Variants in LRRC4C observed in about 807,000 individuals in gnomAD.
LRRC4C encodes the protein leucine-rich repeat-containing protein 4C.
Under a neutral mutation model 33.6 loss-of-function variants are expected in LRRC4C, and 5 were observed. The observed-to-expected ratio is 0.15, with a 90% CI of 0.08 to 0.31. The LOEUF is 0.31. Among genes scored for constraint, LRRC4C ranks in the 10% least tolerant of loss-of-function variants. The pLI, the probability that LRRC4C is intolerant of heterozygous loss-of-function variation, is 1.00. For synonymous variants in LRRC4C, 329 were observed against 302.0 expected (o/e 1.09, Z -0.93); for missense variants, 560 against 796.7 (o/e 0.70, Z 3.58).
intron 3 of LRRC4C, among the ~76,000 whole-genome samples, chr11:40,576,929 G>A (rs1223967517): frequency 1.3e-5 from 2 of 152,162 alleles, no homozygotes; most frequent in Non-Finnish European, 1.5e-5. Flanking sequence ...TACTAACACT[G>A]AGCCTTTGAG....
intron 5 of LRRC4C, among the ~76,000 whole-genome samples, chr11:40,147,678 C>G (rs79368059): frequency 3.3e-5 from 5 of 151,796 alleles, no homozygotes; most frequent in African/African-American, 7.2e-5. Context: ...ACATAATTGT[C>G]GAGATGAAAA....
intron 1 of LRRC4C, among the ~76,000 whole-genome samples, chr11:41,055,221 CT>C (rs1334124520): frequency 1.3e-5 from 2 of 152,020 alleles, no homozygotes; most frequent in African/African-American, 4.8e-5. Context: ...CTGGTTCTTT[CT>C]TTAGTGTGAG....
At chr11:40,481,937 G>A (rs976001581) in intron 3 of LRRC4C, among the ~76,000 whole-genome samples, 1 of 151,972 alleles carries the variant, frequency 6.6e-6, no homozygotes, top group African/African-American at 2.4e-5. Context: ...TTATTATATG[G>A]GAATAATATT....
chr11:40,845,051 T>C (rs905427153), intron 2 of LRRC4C, among the ~76,000 whole-genome samples: 4 of 152,156 alleles, frequency 2.6e-5, no homozygotes, highest in Non-Finnish European at 5.9e-5. Context: ...TCTTTAAAAA[T>C]GTGTACATAT....
chr11:40,969,844 T>C (rs552523465), intron 1 of LRRC4C, among the ~76,000 whole-genome samples: 55 of 152,316 alleles, frequency 3.6e-4, no homozygotes, highest in Middle Eastern at 6.8e-3. Flanking sequence ...TGAATATCTT[T>C]GTAGCTAATA....
intron 1 of LRRC4C, among the ~76,000 whole-genome samples, chr11:41,349,155 C>G (rs145350483): frequency 1.3e-5 from 2 of 152,244 alleles, no homozygotes; most frequent in Non-Finnish European, 2.9e-5. Flanking sequence ...TGTAGTGTGA[C>G]CTTGACTACC....
chr11:40,806,105 T>TA (rs761206772), intron 2 of LRRC4C, among the ~76,000 whole-genome samples: 193 of 152,308 alleles, frequency 1.3e-3, no homozygotes, highest in Middle Eastern at 0.01. Flanking sequence ...TATAAAATTT[T>TA]AAAAAATGTT....
intron 1 of LRRC4C, among the ~76,000 whole-genome samples, chr11:40,993,344 C>T (rs1242040113): frequency 2.0e-5 from 3 of 151,912 alleles, no homozygotes; most frequent in African/African-American, 4.8e-5. Context: ...TAGAGGACCC[C>T]ATGAAATTTA....
chr11:40,334,358 T>C (rs1946501871), intron 3 of LRRC4C, among the ~76,000 whole-genome samples: 1 of 152,056 alleles, frequency 6.6e-6, no homozygotes, highest in Admixed American at 6.6e-5. Flanking sequence ...ATGGGTACTA[T>C]TATCCATGAG....
At chr11:40,809,393 G>C (rs1309795911) in intron 2 of LRRC4C, among the ~76,000 whole-genome samples, 2 of 152,122 alleles carry the variant, frequency 1.3e-5, no homozygotes, top group Non-Finnish European at 2.9e-5. Flanking sequence ...TTTTCACACA[G>C]ATATCACTAT....
intron 2 of LRRC4C, among the ~76,000 whole-genome samples, chr11:40,813,708 C>T (rs562048912): frequency 3.3e-5 from 5 of 152,050 alleles, no homozygotes; most frequent in East Asian, 3.9e-4. Flanking sequence ...ATCAAAAGCA[C>T]GATAGTTACT....
chr11:40,932,991 T>G lies in LRRC4C; in HGVS notation c.-407+644A>C, dbSNP rs75030271. 5.2e-3 allele frequency among the ~76,000 whole-genome samples: 788 copies of G among 152,236 alleles called. 10 individuals carry two copies. The highest frequency in any genetic ancestry group is 0.018 in the African/African-American group (758 of 41,544). ...AATTATACAAATAAATATTAACTGGTCAACTGACAAGAAAAATATGCCAGG... is the reference window on the plus strand; with the variant it reads ...AATTATACAAATAAATATTAACTGGGCAACTGACAAGAAAAATATGCCAGG... On this transcript the variant is annotated intron_variant, in intron 2 of 6. Transcript: ENST00000528697.
chr11:40,685,467 G>C (rs911518997), intron 2 of LRRC4C, among the ~76,000 whole-genome samples: 2 of 151,908 alleles, frequency 1.3e-5, no homozygotes, highest in Non-Finnish European at 2.9e-5. Context: ...AGGTGGGCAA[G>C]CTGAATAGAT....
chr11:40,878,193 G>A (rs1248897625), intron 2 of LRRC4C, among the ~76,000 whole-genome samples: 3 of 151,958 alleles, frequency 2.0e-5, no homozygotes, highest in African/African-American at 2.4e-5. Context: ...AATAAGTGTC[G>A]GATTCTGACT....
At chr11:41,422,178 T>A (rs951071374) in intron 1 of LRRC4C, among the ~76,000 whole-genome samples, 1 of 152,184 alleles carries the variant, frequency 6.6e-6, no homozygotes, top group South Asian at 2.1e-4. Flanking sequence ...TTGTCATTGT[T>A]CTGCCTTTTC....
intron 3 of LRRC4C, among the ~76,000 whole-genome samples, chr11:40,643,181 T>C (rs542476818): frequency 5.9e-5 from 9 of 151,962 alleles, no homozygotes; most frequent in Non-Finnish European, 1.2e-4. Context: ...TACATATATA[T>C]ACACACACAC....
At chr11:40,587,714 T>C (rs1388700425) in intron 3 of LRRC4C, among the ~76,000 whole-genome samples, 1 of 152,096 alleles carries the variant, frequency 6.6e-6, no homozygotes, top group Non-Finnish European at 1.5e-5. Context: ...AAAGGCCTTT[T>C]CTGCATCTAT....
intron 2 of LRRC4C, among the ~76,000 whole-genome samples, chr11:40,805,585 T>G (rs1951210679): frequency 6.6e-6 from 1 of 152,194 alleles, no homozygotes; most frequent in Non-Finnish European, 1.5e-5. Context: ...AACACTAGTT[T>G]CAAGAGTGTG....
intron 2 of LRRC4C, among the ~76,000 whole-genome samples, chr11:40,915,573 G>T (rs1956918557): frequency 6.6e-6 from 1 of 152,250 alleles, no homozygotes; most frequent in East Asian, 1.9e-4. Context: ...TTAAATGTTA[G>T]ACCTAAAACC....
Sources: allele counts gnomAD v4.1 joint callset (sites outside exome capture counted in the v4.1 genomes callset), GRCh38; gene constraint gnomAD v4.1.1; transcripts MANE v1.5; gene names NCBI Gene and HGNC (gene_info 2026-07-23, HGNC 2026-07-21).